Variants in DMXL2 observed in about 807,000 individuals in gnomAD.
DMXL2 encodes the protein dmX-like protein 2.
DMXL2 carries 103 observed loss-of-function variants against 331.1 expected under a neutral mutation model. That is an observed-to-expected ratio of 0.31 (90% CI 0.27 to 0.37). The LOEUF (loss-of-function observed/expected upper bound fraction) is 0.37, where lower values mean the gene tolerates loss of function less well. DMXL2 is among the 10% of genes least tolerant of loss of function. The pLI is 1.00. For synonymous variants in DMXL2, 1,281 were observed against 1,252.1 expected, an observed-to-expected ratio of 1.02 and a Z score of -0.49; for missense variants, 3,171 against 3,642.9, an observed-to-expected ratio of 0.87 and a Z score of 3.33.
At chr15:51,598,518 C>A (rs1051557154) in intron 1 of DMXL2, among the ~76,000 whole-genome samples, 1 of 152,118 alleles carries the variant, frequency 6.6e-6, no homozygotes, top group Non-Finnish European at 1.5e-5. Flanking sequence ...AAAGAAAATT[C>A]CAGATTAAGT....
chr15:51,568,769 T>A (rs181647256), intron 2 of DMXL2, among the ~76,000 whole-genome samples: 3 of 152,260 alleles, frequency 2.0e-5, no homozygotes, highest in Admixed American at 2.0e-4. Context: ...ACATATCATA[T>A]ACAAGGTTGA....
At chr15:51,502,210 G>A (rs1277348556) in intron 17 of DMXL2, among the ~76,000 whole-genome samples, 1 of 148,958 alleles carries the variant, frequency 6.7e-6, no homozygotes, top group East Asian at 2.0e-4. Flanking sequence ...TCCAGCCTGG[G>A]CGACAGAGTG....
rs781589356 is a variant in DMXL2 at position 51,565,077 on chromosome 15, T to C, written c.364+11A>G. ...TTAATTTAAATAATTTTAAATACAA[T>C]TGCTAAATACCTTGAGGATCCCATG... is the stretch of plus-strand genomic sequence containing the variant. On this transcript the variant is annotated intron_variant, in intron 4 of 43. Coordinates refer to ENST00000560891, the MANE Select transcript of DMXL2 (RefSeq NM_001378457.1). The C allele has an allele frequency of 4.1e-6, 6 of 1,456,236 alleles. No individual in the cohort carries two copies. Among genetic ancestry groups the C allele is most frequent in the Non-Finnish European group, 5.5e-6 (6 of 1,098,150 alleles). The allele number at this position is 1,456,236 out of a possible 1,614,324, so 90.2% of individuals were successfully genotyped here.
chr15:51,611,797 A>C (rs543223827), intron 1 of DMXL2, among the ~76,000 whole-genome samples: 2 of 152,334 alleles, frequency 1.3e-5, no homozygotes, highest in South Asian at 4.1e-4. Flanking sequence ...AAAATGCACC[A>C]ATCAGCGCTC....
intron 28 of DMXL2, 57 bp from the exon 29 acceptor site, chr15:51,471,458 T>C (rs577804863): frequency 2.7e-6 from 4 of 1,491,112 alleles, no homozygotes; most frequent in South Asian, 1.3e-5. Flanking sequence ...TGTTAATTGA[T>C]AGAGTTAAGC....
intron 1 of DMXL2, among the ~76,000 whole-genome samples, chr15:51,600,629 C>G (rs1226544688): frequency 6.6e-6 from 1 of 152,184 alleles, no homozygotes; most frequent in East Asian, 1.9e-4. Context: ...GTTTTACCAT[C>G]TCCTCTGTAG....
intron 1 of DMXL2, among the ~76,000 whole-genome samples, chr15:51,600,964 C>T (rs4774595): frequency 0.48 from 72,727 of 151,884 alleles, 17,795 homozygotes; most frequent in Non-Finnish European, 0.52. Context: ...AGAGAGTTTA[C>T]AGACACTCTC....
intron 19 of DMXL2, among the ~76,000 whole-genome samples, chr15:51,494,346 G>A (rs914022128): frequency 6.6e-6 from 1 of 152,102 alleles, no homozygotes; most frequent in African/African-American, 2.4e-5. Context: ...ATACTAAGAC[G>A]TATATTATGG....
chr15:51,508,286 C>T (rs2046535743), intron 15 of DMXL2, among the ~76,000 whole-genome samples: 1 of 152,102 alleles, frequency 6.6e-6, no homozygotes, highest in African/African-American at 2.4e-5. Context: ...TGTAACAAAC[C>T]TGCATGTTCT....
rs752810084 is a variant in DMXL2, at chr15:51,579,884, A to G, written c.88-3703T>C. 2.3e-4 allele frequency among the ~76,000 whole-genome samples: 35 copies of G among 152,312 alleles called. 1 individual carries two copies. The highest frequency in any genetic ancestry group is 4.6e-4 in the Non-Finnish European group (31 of 68,010). ...AAGCTGTTTTGCTAGGGTCTTTACAAAAATTATCATTATCTTCACAGGCCT... is the reference window on the plus strand; with the variant it reads ...AAGCTGTTTTGCTAGGGTCTTTACAGAAATTATCATTATCTTCACAGGCCT... On this transcript the variant is annotated intron_variant, in intron 1 of 43. Coordinates refer to ENST00000560891, the MANE Select transcript of DMXL2 (RefSeq NM_001378457.1).
Position 51,474,346 on chromosome 15 carries a change from G to T in DMXL2, c.7211C>A (p.Ser2404Ter). The part of the protein sequence containing the change: ...VKPRRQSENI[S>*]APPVLSEDID... Reference sequence around the variant, plus strand: ...TACTGGTATCAAACGTATCTTACCTGAAATATTTTCTGATTGTCTTCGAGG... The same window carrying T: ...TACTGGTATCAAACGTATCTTACCTTAAATATTTTCTGATTGTCTTCGAGG... The change falls in exon 28 of 44, where the codon TCA (serine) becomes TAA (stop). Residue 2404 changes from serine (S) to a stop codon, truncating the protein, a stop_gained and splice_region_variant. Transcript: ENST00000560891. LOFTEE classifies it high-confidence loss of function. 6.2e-7 allele frequency: 1 copy of T among 1,604,108 alleles called. No homozygotes were observed. The highest frequency in any genetic ancestry group is 8.5e-7 in the Non-Finnish European group (1 of 1,172,018).
chr15:51,564,042 A>T lies in DMXL2; in HGVS notation c.500+83T>A, dbSNP rs2050126335. On this transcript the variant is annotated intron_variant, in intron 5 of 43. Coordinates refer to ENST00000560891, the MANE Select transcript of DMXL2 (RefSeq NM_001378457.1). ...CTAAATGCAATGGTACCATCAAAAAATAAAGATCTTTGTGAAAGGAAACAT... is the reference window on the plus strand; with the variant it reads ...CTAAATGCAATGGTACCATCAAAAATTAAAGATCTTTGTGAAAGGAAACAT... 4.8e-6 allele frequency: 7 copies of T among 1,456,522 alleles called. No homozygotes were observed. The East Asian group carries it at 1.8e-4, about 37-fold the overall frequency. The allele number at this position is 1,456,522 out of a possible 1,614,324, so 90.2% of individuals were successfully genotyped here.
At chr15:51,550,847 T>C (rs1268175762) in intron 6 of DMXL2, among the ~76,000 whole-genome samples, 1 of 152,148 alleles carries the variant, frequency 6.6e-6, no homozygotes. Context: ...TAAGTTCAGA[T>C]AGAAATTTAA....
intron 41 of DMXL2, 110 bp from the exon 42 acceptor site, chr15:51,451,807 T>C (rs2039168172): frequency 1.1e-6 from 1 of 897,098 alleles, no homozygotes. Flanking sequence ...TCTTATCTTT[T>C]TTGTTCACTC....
At chr15:51,458,151 G>A (rs556435910) in intron 36 of DMXL2, 1 of 180,798 alleles carries the variant, frequency 5.5e-6, no homozygotes, top group African/African-American at 2.4e-5. Flanking sequence ...TGCTTATCAG[G>A]TGATAAGAAG....
At chr15:51,480,291 A>G (rs2041914830) in intron 24 of DMXL2, 152 bp from the exon 25 acceptor site, 1 of 854,276 alleles carries the variant, frequency 1.2e-6, no homozygotes, top group Non-Finnish European at 1.7e-6. Context: ...TGTACCAGGT[A>G]CTATGCTAGA....
At chr15:51,562,697 A>G (rs1234990631) in intron 6 of DMXL2, among the ~76,000 whole-genome samples, 1 of 152,228 alleles carries the variant, frequency 6.6e-6, no homozygotes. Flanking sequence ...TCTCCAAAGT[A>G]ATTACTATTA....
intron 1 of DMXL2, among the ~76,000 whole-genome samples, chr15:51,606,268 C>T (rs912650560): frequency 1.2e-4 from 18 of 152,076 alleles, no homozygotes; most frequent in African/African-American, 3.9e-4. Context: ...AGTGCAGTGG[C>T]GCGATCTCAG....
chr15:51,494,918 G>A (rs1049099638), intron 19 of DMXL2, 106 bp downstream of exon 19: 5 of 666,292 alleles, frequency 7.5e-6, no homozygotes, highest in Admixed American at 5.1e-5. Context: ...CAAGTGATAG[G>A]TGTGCACGTA....
Sources: gnomAD v4.1 joint callset for allele counts (sites outside exome capture counted in the v4.1 genomes callset) on GRCh38, gnomAD v4.1.1 for gene constraint, MANE v1.5 for transcripts, NCBI Gene and HGNC (gene_info 2026-07-23, HGNC 2026-07-21) for gene names.